The following EPC1 variants were observed in gnomAD, a reference collection of about 807,000 sequenced individuals.
EPC1 encodes the protein enhancer of polycomb homolog 1.
EPC1 carries 12 observed loss-of-function variants against 98.4 expected under a neutral mutation model. The observed-to-expected ratio is 0.12, with a 90% CI of 0.08 to 0.20. The LOEUF is 0.20. EPC1 is among the 10% of genes least tolerant of loss of function. The pLI is 1.00. For missense variants in EPC1, 729 were observed against 990.5 expected, an observed-to-expected ratio of 0.74 and a Z score of 3.54; for synonymous variants, 357 against 363.9, an observed-to-expected ratio of 0.98 and a Z score of 0.21.
At chr10:32,357,993 T>C (rs1372051607) in intron 1 of EPC1, among the ~76,000 whole-genome samples, 1 of 151,878 alleles carries the variant, frequency 6.6e-6, no homozygotes, top group African/African-American at 2.4e-5. Flanking sequence ...TAGCTGGGAT[T>C]ACAGGTGCCT....
chr10:32,277,741 AT>A (rs947026717), intron 10 of EPC1, among the ~76,000 whole-genome samples: 1 of 151,850 alleles, frequency 6.6e-6, no homozygotes, highest in Non-Finnish European at 1.5e-5. Context: ...TAATTTTTGT[AT>A]TTTTTTGTAG....
At chr10:32,311,640 A>C (rs1351785699) in intron 1 of EPC1, among the ~76,000 whole-genome samples, 4 of 152,184 alleles carry the variant, frequency 2.6e-5, no homozygotes, top group African/African-American at 9.7e-5. Flanking sequence ...CAGGGGATAC[A>C]TTTCAAGACA....
At chr10:32,284,646 T>C in intron 10 of EPC1, 52 bp downstream of exon 10, 1 of 1,411,674 alleles carries the variant, frequency 7.1e-7, no homozygotes, top group Non-Finnish European at 9.7e-7. Flanking sequence ...AAATGGGAAA[T>C]GGTTGGACCT....
At chr10:32,312,796 T>C (rs1411118231) in intron 1 of EPC1, among the ~76,000 whole-genome samples, 1 of 152,154 alleles carries the variant, frequency 6.6e-6, no homozygotes, top group African/African-American at 2.4e-5. Flanking sequence ...ACTATTTTCA[T>C]AAAATAACAT....
intron 1 of EPC1, chr10:32,345,036 T>C: frequency 3.2e-6 from 2 of 634,360 alleles, no homozygotes; most frequent in Non-Finnish European, 3.9e-6. Context: ...CAGGGCAGGG[T>C]AAAACCAACA....
At position 32,371,363 on chromosome 10, in the gene EPC1, A is replaced by G. The variant is rs570407449; in HGVS notation, c.3+7128T>C. ...CTCAGTCTCATGGATACTATGTCCT[A>G]CTAGTGAATATGTGGCATTGGTGGT... On this transcript the variant is annotated intron_variant, in intron 1 of 13. Coordinates refer to the EPC1 transcript ENST00000375110. Among the ~76,000 whole-genome samples, 17 of 152,244 alleles carry G rather than the reference A, an allele frequency of 1.1e-4. No individual in the cohort carries two copies. In the South Asian group the frequency reaches 3.5e-3, roughly 32 times the overall value.
chr10:32,274,545 A>G (rs753565546), intron 10 of EPC1, among the ~76,000 whole-genome samples: 3 of 152,290 alleles, frequency 2.0e-5, no homozygotes, highest in South Asian at 2.1e-4. Flanking sequence ...AGTTATTAGT[A>G]TCTACACAGG....
chr10:32,317,074 GAACA>G (rs1836599014), intron 1 of EPC1, among the ~76,000 whole-genome samples: 1 of 152,066 alleles, frequency 6.6e-6, no homozygotes, highest in South Asian at 2.1e-4. Flanking sequence ...CTGAACCCCA[GAACA>G]CTGTGTTCCC....
chr10:32,294,548 T>C (rs1835033228), intron 2 of EPC1, among the ~76,000 whole-genome samples: 1 of 152,226 alleles, frequency 6.6e-6, no homozygotes, highest in South Asian at 2.1e-4. Flanking sequence ...TTTCAGATTT[T>C]GAGTTTTCAG....
At chr10:32,342,553 C>G (rs1039333141) in intron 1 of EPC1, among the ~76,000 whole-genome samples, 7 of 152,148 alleles carry the variant, frequency 4.6e-5, no homozygotes, top group Non-Finnish European at 7.4e-5. Context: ...CCATCCTGTC[C>G]TGTTAGAATC....
At chr10:32,314,361 C>T (rs1272400434) in intron 1 of EPC1, among the ~76,000 whole-genome samples, 1 of 152,162 alleles carries the variant, frequency 6.6e-6, no homozygotes, top group Admixed American at 6.5e-5. Context: ...ATGTCATGAG[C>T]TTTGCTATCA....
chr10:32,310,023 C>T (rs574264543), intron 1 of EPC1, among the ~76,000 whole-genome samples: 65 of 151,344 alleles, frequency 4.3e-4, no homozygotes, highest in African/African-American at 1.5e-3. Context: ...GGTGAAACCC[C>T]GTCTCTACTA....
At chr10:32,354,955 A>C (rs1839228158) in intron 1 of EPC1, among the ~76,000 whole-genome samples, 1 of 152,170 alleles carries the variant, frequency 6.6e-6, no homozygotes, top group South Asian at 2.1e-4. Context: ...GCAGGAAAAC[A>C]AGCTCAGGGC....
At chr10:32,273,752 T>C (rs1350811341) in intron 10 of EPC1, among the ~76,000 whole-genome samples, 1 of 152,192 alleles carries the variant, frequency 6.6e-6, no homozygotes, top group Non-Finnish European at 1.5e-5. Flanking sequence ...ATACTAATAG[T>C]TCTACATATT....
At chr10:32,366,145 A>G (rs1839598066) in intron 1 of EPC1, among the ~76,000 whole-genome samples, 2 of 152,150 alleles carry the variant, frequency 1.3e-5, no homozygotes, top group Admixed American at 1.3e-4. Flanking sequence ...AAACAACAAC[A>G]ACAACGACCA....
upstream of EPC1, among the ~76,000 whole-genome samples, chr10:32,350,200 G>A (rs74128093): frequency 6.6e-6 from 1 of 152,182 alleles, no homozygotes; most frequent in African/African-American, 2.4e-5. Flanking sequence ...AAAGGATTTG[G>A]AGTATTTAAG....
intron 1 of EPC1, among the ~76,000 whole-genome samples, chr10:32,362,305 C>A (rs949137587): frequency 6.6e-6 from 1 of 151,874 alleles, no homozygotes; most frequent in African/African-American, 2.4e-5. Flanking sequence ...GAACTGTAAT[C>A]CCTAATGTTG....
intron 1 of EPC1, among the ~76,000 whole-genome samples, chr10:32,375,166 A>C (rs1008409288): frequency 6.6e-6 from 1 of 152,094 alleles, no homozygotes; most frequent in South Asian, 2.1e-4. Context: ...GTAAATATGC[A>C]TGAGAAGTGG....
At chr10:32,352,251 G>A (rs1839135549) in intron 1 of EPC1, among the ~76,000 whole-genome samples, 2 of 150,662 alleles carry the variant, frequency 1.3e-5, no homozygotes, top group East Asian at 2.0e-4. Context: ...GTTTCACTGT[G>A]TTAGCCAGGA....
Sources: gnomAD v4.1 joint callset for allele counts (sites outside exome capture counted in the v4.1 genomes callset) on GRCh38, gnomAD v4.1.1 for gene constraint, MANE v1.5 for transcripts, NCBI Gene and HGNC (gene_info 2026-07-23, HGNC 2026-07-21) for gene names.